FCRLA: variants seen among roughly 807,000 people sequenced by gnomAD.
FCRLA encodes Fc receptor-like A.
Under a neutral mutation model 28.4 loss-of-function variants are expected in FCRLA, and 26 were observed. The observed-to-expected ratio is 0.91, with a 90% CI of 0.67 to 1.27. The LOEUF is 1.27. FCRLA is among the 50% of genes most tolerant of loss of function. The pLI, the probability that FCRLA is intolerant of heterozygous loss-of-function variation, is 0.00. For synonymous variants in FCRLA, 174 were observed against 168.5 expected (o/e 1.03, Z -0.25); for missense variants, 422 against 433.1 (o/e 0.97, Z 0.23).
Position 161,711,473 on chromosome 1 carries a change from AG to A in FCRLA, c.499+1del, listed in dbSNP as rs1433944060. On this transcript the variant is annotated frameshift_variant and splice_region_variant, in exon 3 of 5. Coordinates refer to ENST00000236938, the MANE Select transcript of FCRLA (RefSeq NM_032738.4). LOFTEE classifies it high-confidence loss of function. ...CATCTGTTGTGGCTATCACAGTCCA[AG>A]GTGAGAGCTAGAAGCAGCATTGTCA... ...TASVVAITVQ[E>X]LFPAPILRAV... The A allele has an allele frequency of 6.2e-7, 1 of 1,611,252 alleles. No individual in the cohort carries two copies. Among genetic ancestry groups the A allele is most frequent in the Non-Finnish European group, 8.5e-7 (1 of 1,177,992 alleles).
intron 3 of FCRLA, 71 bp from the exon 4 acceptor site, chr1:161,711,863 C>A (rs1233244664): frequency 1.7e-5 from 25 of 1,506,016 alleles, no homozygotes; most frequent in Non-Finnish European, 1.6e-5. Context: ...CTCCCCAAGT[C>A]TCTTCACCTG....
rs1319995778 is a variant in FCRLA at position 161,713,614 on chromosome 1, TTCTA to T, written c.*238_*241del. On this transcript the variant is annotated 3_prime_UTR_variant, in exon 5 of 5. Transcript: ENST00000236938. ...GAATTCTGCTGTCTAGATCAGGAAT[TTCTA>T]TCTGTTATATCGACCAGAATGTTGT... The T allele has an allele frequency of 9.0e-5, 40 of 445,592 alleles. No individual in the cohort carries two copies. Among genetic ancestry groups the T allele is most frequent in the African/African-American group, 7.4e-4 (37 of 49,680 alleles). 27.6% of individuals were successfully genotyped at this position (445,592 alleles called of 1,614,324 possible).
chr1:161,713,400 G>A lies in FCRLA; in HGVS notation c.*20G>A. On this transcript the variant is annotated 3_prime_UTR_variant, in exon 5 of 5. Coordinates refer to ENST00000236938, the MANE Select transcript of FCRLA (RefSeq NM_032738.4). ...GAATAGAAGTAAACAGTTCATCCAT[G>A]ATCTCACTTAACCACCCCAATAAAT... is the stretch of plus-strand genomic sequence containing the variant. 1 of 1,590,400 alleles carries A rather than the reference G, an allele frequency of 6.3e-7. No homozygotes were observed. The highest frequency in any genetic ancestry group is 8.6e-7 in the Non-Finnish European group (1 of 1,164,360).
In FCRLA at chr1:161,710,776, G is replaced by A. The variant is rs757073830; in HGVS notation, c.96G>A (p.Thr32=). Residue 32 remains threonine, a synonymous_variant, in exon 2 of 5, where the codon ACG becomes ACA. Coordinates refer to ENST00000236938, the MANE Select transcript of FCRLA (RefSeq NM_032738.4). ...CCTCTTCAGCTGCCAGTTTTGAGAC[G>A]CTGCAGTGTGAGGGACCTGTCTGCA... is the stretch of plus-strand genomic sequence containing the variant. ...AQMLLAASFE[T]LQCEGPVCTE... The A allele has an allele frequency of 2.1e-5, 34 of 1,614,022 alleles. No homozygotes were observed. Among genetic ancestry groups the A allele is most frequent in the African/African-American group, 5.3e-5 (4 of 74,924 alleles).
At chr1:161,712,455 T>A (rs1457705710) in intron 4 of FCRLA, among the ~76,000 whole-genome samples, 1 of 152,186 alleles carries the variant, frequency 6.6e-6, no homozygotes, top group Non-Finnish European at 1.5e-5. Context: ...GCTCCACACC[T>A]GCTGCCCCAC....
chr1:161,710,255 A>G, intron 1 of FCRLA: 4 of 578,024 alleles, frequency 6.9e-6, no homozygotes, highest in South Asian at 4.1e-5. Flanking sequence ...AGCTTTGGGT[A>G]TGTTAATTTG....
chr1:161,710,678 C>T (rs1290407551), intron 1 of FCRLA, 82 bp from the exon 2 acceptor site: 1 of 1,563,634 alleles, frequency 6.4e-7, no homozygotes. Flanking sequence ...GGATGATTAT[C>T]CTGGGAGATG....
At chr1:161,710,370 T>A (rs1683031284) in intron 1 of FCRLA, 2 of 1,053,846 alleles carry the variant, frequency 1.9e-6, no homozygotes, top group Non-Finnish European at 2.9e-6. Context: ...GCTAGCAGGG[T>A]CTGGCACCCA....
chr1:161,710,833 C>T lies in FCRLA; in HGVS notation c.153C>T (p.Asp51=). 6.2e-7 allele frequency: 1 copy of T among 1,614,082 alleles called. No individual in the cohort carries two copies. The highest frequency in any genetic ancestry group is 8.5e-7 in the Non-Finnish European group (1 of 1,180,028). The change falls in exon 2 of 5, where the codon GAC becomes GAT. Residue 51 remains aspartate, a synonymous_variant. Coordinates refer to ENST00000236938, the MANE Select transcript of FCRLA (RefSeq NM_032738.4). ...AGAGCAGCTGCCACACGGAGGATGA[C>T]TTGACTGATGCAAGGGAAGCTGGCT... is the stretch of plus-strand genomic sequence containing the variant. ...TEESSCHTED[D]LTDAREAGFQ...
chr1:161,711,602 C>G, intron 3 of FCRLA, 128 bp downstream of exon 3: 1 of 1,270,650 alleles, frequency 7.9e-7, no homozygotes, highest in South Asian at 1.5e-5. Flanking sequence ...CTGGCAAATG[C>G]CCAAGTTGGG....
In FCRLA at chr1:161,713,383, G is replaced by C. The variant is rs1460372136; in HGVS notation, c.*3G>C. 1.2e-6 allele frequency: 2 copies of C among 1,608,810 alleles called. No individual in the cohort carries two copies. Among genetic ancestry groups the C allele is most frequent in the Non-Finnish European group, 1.7e-6 (2 of 1,176,826 alleles). Reference sequence around the variant, plus strand: ...CCACAAAGGCTACTGCTGAATAGAAGTAAACAGTTCATCCATGATCTCACT... The same window carrying C: ...CCACAAAGGCTACTGCTGAATAGAACTAAACAGTTCATCCATGATCTCACT... On this transcript the variant is annotated 3_prime_UTR_variant, in exon 5 of 5. Transcript: ENST00000236938.
chr1:161,708,730 T>A (rs1263583690), intron 1 of FCRLA, among the ~76,000 whole-genome samples: 1 of 152,236 alleles, frequency 6.6e-6, no homozygotes, highest in Non-Finnish European at 1.5e-5. Flanking sequence ...AATGTGTAGG[T>A]ACCCCTAAAG....
In FCRLA at chr1:161,710,839, T is replaced by C; in HGVS notation, c.159T>C (p.Thr53=). The change falls in exon 2 of 5, where the codon ACT becomes ACC. Residue 53 remains threonine (T), a synonymous_variant. Transcript: ENST00000236938. ...ESSCHTEDDL[T]DAREAGFQVK... ...GCTGCCACACGGAGGATGACTTGAC[T>C]GATGCAAGGGAAGCTGGCTTCCAGG... 1 of 1,614,022 alleles carries C rather than the reference T, an allele frequency of 6.2e-7. No homozygotes were observed. The highest frequency in any genetic ancestry group is 8.5e-7 in the Non-Finnish European group (1 of 1,180,010).
At chr1:161,709,928 G>T (rs1008101224) in intron 1 of FCRLA, among the ~76,000 whole-genome samples, 1 of 152,150 alleles carries the variant, frequency 6.6e-6, no homozygotes, top group Non-Finnish European at 1.5e-5. Context: ...AAAAAAGACA[G>T]AGAAAGCTCT....
intron 1 of FCRLA, among the ~76,000 whole-genome samples, chr1:161,707,809 CCTT>C (rs770318223): frequency 1.9e-4 from 29 of 152,122 alleles, no homozygotes; most frequent in Middle Eastern, 3.2e-3. Context: ...ATCACTTACT[CCTT>C]CTTGCATTCT....
intron 1 of FCRLA, among the ~76,000 whole-genome samples, chr1:161,707,662 C>T (rs1017167636): frequency 2.0e-5 from 3 of 152,186 alleles, no homozygotes; most frequent in South Asian, 4.1e-4. Context: ...ACTTCTCACA[C>T]GCTCCTCAAT....
In FCRLA at chr1:161,713,272, TCTC is replaced by T. The variant is rs1216008523; in HGVS notation, c.973_975del (p.Leu325del). 1 of 1,614,196 alleles carries T rather than the reference TCTC, an allele frequency of 6.2e-7. No homozygotes were observed. Among genetic ancestry groups the T allele is most frequent in the Admixed American group, 1.7e-5 (1 of 60,014 alleles). Reference sequence around the variant, plus strand: ...ATCTGTATCACCAGATGGGCCTTCTTCTCAAACACATGCAGGATGTGAGAGTCC... The same window carrying T: ...ATCTGTATCACCAGATGGGCCTTCTTAAACACATGCAGGATGTGAGAGTCC... On this transcript the variant is annotated inframe_deletion, in exon 5 of 5. Transcript: ENST00000236938.
Position 161,710,883 on chromosome 1 carries a change from G to T in FCRLA, c.203G>T (p.Ser68Ile). Residue 68 changes from serine to isoleucine, a missense_variant, in exon 2 of 5, where the codon AGT (serine) becomes ATT (isoleucine). By Grantham distance (142) the Ser-to-Ile change is moderately radical (BLOSUM62 -2). This residue lies in a region of FCRLA where 231 missense variants were observed against 214.6 expected (regional missense o/e 1.08). Transcript: ENST00000236938. Reference protein sequence around the residue: ...AGFQVKAYTFSEPFHLIVSYD... With the variant: ...AGFQVKAYTFIEPFHLIVSYD... ...TTCCAGGTCAAGGCCTACACTTTCA[G>T]TGAACCCTTCCACCTGATTGTGTCC... 1 of 1,613,476 alleles carries T rather than the reference G, an allele frequency of 6.2e-7. No individual in the cohort carries two copies. The highest frequency in any genetic ancestry group is 1.3e-5 in the African/African-American group (1 of 75,048).
intron 3 of FCRLA, 148 bp downstream of exon 3, chr1:161,711,622 G>T (rs1217597042): frequency 9.7e-7 from 1 of 1,027,934 alleles, no homozygotes. Context: ...GCTTCGAAAG[G>T]GACGAGACCT....
Sources: allele counts gnomAD v4.1 joint callset (sites outside exome capture counted in the v4.1 genomes callset), GRCh38; gene constraint gnomAD v4.1.1; regional missense constraint gnomAD v4.1.1; transcripts MANE v1.5; gene names NCBI Gene and HGNC (gene_info 2026-07-23, HGNC 2026-07-21).